KCND2: variants seen among roughly 807,000 people sequenced by gnomAD.
KCND2 encodes potassium voltage-gated channel subfamily D member 2.
A neutral mutation model predicts 54.4 loss-of-function variants in KCND2; 16 were observed. The observed-to-expected ratio is 0.29, with a 90% CI of 0.20 to 0.45. KCND2 has a LOEUF of 0.45. Among genes scored for constraint, KCND2 ranks in the 20% least tolerant of loss-of-function variants. The pLI is 1.00. For synonymous variants in KCND2, 317 were observed against 310.7 expected (o/e 1.02, Z -0.21); for missense variants, 486 against 824.2 (o/e 0.59, Z 5.02).
intron 1 of KCND2, among the ~76,000 whole-genome samples, chr7:120,408,369 A>G (rs1280152496): frequency 6.6e-6 from 1 of 151,906 alleles, no homozygotes; most frequent in Non-Finnish European, 1.5e-5. Flanking sequence ...TAATTCAGAC[A>G]TATATCTCGA....
intron 1 of KCND2, among the ~76,000 whole-genome samples, chr7:120,463,695 C>T (rs890925494): frequency 2.0e-5 from 3 of 152,014 alleles, no homozygotes; most frequent in African/African-American, 4.8e-5. Context: ...CATCTTTGAT[C>T]GCCACATCTT....
At chr7:120,546,514 G>T (rs527307809) in intron 1 of KCND2, among the ~76,000 whole-genome samples, 1 of 152,042 alleles carries the variant, frequency 6.6e-6, no homozygotes, top group Non-Finnish European at 1.5e-5. Flanking sequence ...ACATTTAAGT[G>T]ATTTTTCCAA....
chr7:120,553,753 T>C (rs985700983), intron 1 of KCND2, among the ~76,000 whole-genome samples: 1 of 152,186 alleles, frequency 6.6e-6, no homozygotes, highest in African/African-American at 2.4e-5. Flanking sequence ...ATAATACTTA[T>C]TGGCTGAAGT....
chr7:120,553,104 A>G (rs1792121979), intron 1 of KCND2, among the ~76,000 whole-genome samples: 1 of 152,196 alleles, frequency 6.6e-6, no homozygotes, highest in Admixed American at 6.5e-5. Context: ...TATCATTAAC[A>G]TGTTCCTCCT....
At chr7:120,575,860 T>C (rs952272100) in intron 1 of KCND2, among the ~76,000 whole-genome samples, 2 of 136,278 alleles carry the variant, frequency 1.5e-5, no homozygotes, top group South Asian at 2.4e-4. Context: ...TTTCCAATTC[T>C]GTCCCTCAGC....
intron 1 of KCND2, among the ~76,000 whole-genome samples, chr7:120,671,620 G>T (rs372582926): frequency 1.1e-4 from 17 of 152,124 alleles, no homozygotes; most frequent in Middle Eastern, 3.4e-3. Flanking sequence ...CCTCACCACT[G>T]TCATACATAG....
intron 1 of KCND2, among the ~76,000 whole-genome samples, chr7:120,473,978 G>T (rs1470432033): frequency 6.6e-6 from 1 of 152,166 alleles, no homozygotes; most frequent in Non-Finnish European, 1.5e-5. Flanking sequence ...TTGTCCTGTT[G>T]TCATTCTTGA....
chr7:120,581,928 G>T (rs1192291153), intron 1 of KCND2, among the ~76,000 whole-genome samples: 1 of 151,890 alleles, frequency 6.6e-6, no homozygotes, highest in Admixed American at 6.6e-5. Flanking sequence ...TGGTCAGGCT[G>T]GTCTCAAACT....
intron 1 of KCND2, among the ~76,000 whole-genome samples, chr7:120,491,616 A>T (rs1283089095): frequency 6.6e-6 from 1 of 152,124 alleles, no homozygotes; most frequent in Non-Finnish European, 1.5e-5. Context: ...TCTAAGTATT[A>T]AAGGCACAGG....
At chr7:120,692,471 T>G (rs1412572680) in intron 1 of KCND2, among the ~76,000 whole-genome samples, 1 of 152,210 alleles carries the variant, frequency 6.6e-6, no homozygotes, top group African/African-American at 2.4e-5. Context: ...AACTACATTA[T>G]GTTGATGTAA....
At chr7:120,725,447 G>A (rs888959742) in intron 1 of KCND2, among the ~76,000 whole-genome samples, 7 of 152,110 alleles carry the variant, frequency 4.6e-5, no homozygotes, top group African/African-American at 1.7e-4. Flanking sequence ...AATTTGTGGG[G>A]TAGGGGTCAA....
At chr7:120,449,798 A>G (rs1248699013) in intron 1 of KCND2, among the ~76,000 whole-genome samples, 1 of 152,252 alleles carries the variant, frequency 6.6e-6, no homozygotes, top group African/African-American at 2.4e-5. Context: ...ACATAATGCT[A>G]CAGCCCATTT....
At position 120,667,359 on chromosome 7, in the gene KCND2, A is replaced by G. The variant is rs922498415; in HGVS notation, c.1116-65544A>G. ...CAAAGTCTTCTGTACACAGCTTCAAAGTGGTCTCAAAATCCTTGCAGCCAT... is the reference window on the plus strand; with the variant it reads ...CAAAGTCTTCTGTACACAGCTTCAAGGTGGTCTCAAAATCCTTGCAGCCAT... On this transcript the variant is annotated intron_variant, in intron 1 of 5. Transcript: ENST00000331113. Among the ~76,000 whole-genome samples the G allele has an allele frequency of 5.9e-5, 9 of 152,182 alleles. No homozygotes were observed. The South Asian group carries it at 1.5e-3, about 25-fold the overall frequency.
intron 1 of KCND2, among the ~76,000 whole-genome samples, chr7:120,283,814 A>G (rs1451876420): frequency 6.6e-6 from 1 of 152,148 alleles, no homozygotes; most frequent in Non-Finnish European, 1.5e-5. Flanking sequence ...GTAGGTACAT[A>G]TATATCTTTT....
chr7:120,566,846 T>TATC (rs1047596615), intron 1 of KCND2, among the ~76,000 whole-genome samples: 12 of 152,092 alleles, frequency 7.9e-5, no homozygotes, highest in Admixed American at 5.9e-4. Flanking sequence ...TTAAGTTATG[T>TATC]ATCTTTCTTC....
intron 1 of KCND2, chr7:120,464,174 G>A (rs1802332547): frequency 4.8e-6 from 3 of 630,534 alleles, no homozygotes; most frequent in South Asian, 7.0e-5. Flanking sequence ...TTTGCCTCTC[G>A]GTGAGTCTGT....
At chr7:120,388,162 A>G (rs1801017496) in intron 1 of KCND2, among the ~76,000 whole-genome samples, 1 of 152,052 alleles carries the variant, frequency 6.6e-6, no homozygotes, top group Non-Finnish European at 1.5e-5. Flanking sequence ...GATGTAGAAA[A>G]TTTTATGATA....
intron 1 of KCND2, among the ~76,000 whole-genome samples, chr7:120,533,744 T>C (rs527569404): frequency 6.6e-6 from 1 of 152,224 alleles, no homozygotes; most frequent in East Asian, 1.9e-4. Flanking sequence ...ACATAAATGA[T>C]TCCACAGTTT....
intron 1 of KCND2, among the ~76,000 whole-genome samples, chr7:120,629,877 T>G (rs1198165145): frequency 6.6e-6 from 1 of 152,106 alleles, no homozygotes; most frequent in African/African-American, 2.4e-5. Flanking sequence ...AAGTGGAAAT[T>G]AAGGGTCTGG....
Sources: gnomAD v4.1 joint callset for allele counts (sites outside exome capture counted in the v4.1 genomes callset) on GRCh38, gnomAD v4.1.1 for gene constraint, MANE v1.5 for transcripts, NCBI Gene and HGNC (gene_info 2026-07-23, HGNC 2026-07-21) for gene names.